The following DNAI2 variants were observed in gnomAD, a reference collection of about 807,000 sequenced individuals.
DNAI2 encodes dynein, axonemal, intermediate polypeptide 2.
A neutral mutation model predicts 74.7 loss-of-function variants in DNAI2; 63 were observed. The observed-to-expected ratio is 0.84, with a 90% CI of 0.69 to 1.04. The LOEUF (loss-of-function observed/expected upper bound fraction) is 1.04. Among genes scored for constraint, DNAI2 ranks in the 50% least tolerant of loss-of-function variants. DNAI2 has a pLI of 0.00. For synonymous variants in DNAI2, 289 were observed against 314.9 expected (o/e 0.92, Z 0.87); for missense variants, 688 against 803.2 (o/e 0.86, Z 1.73).
At chr17:74,305,865 T>C (rs946693819) in intron 9 of DNAI2, among the ~76,000 whole-genome samples, 1 of 152,004 alleles carries the variant, frequency 6.6e-6, no homozygotes, top group Non-Finnish European at 1.5e-5. Context: ...AGAGATGGGA[T>C]TTTGCCACGT....
Position 74,291,122 on chromosome 17 carries a change from A to T in DNAI2, c.713A>T (p.Asn238Ile), listed in dbSNP as rs753728960. The T allele has an allele frequency of 6.2e-7, 1 of 1,612,264 alleles. No homozygotes were observed. Among genetic ancestry groups the T allele is most frequent in the Non-Finnish European group, 8.5e-7 (1 of 1,178,356 alleles). The change falls in exon 6 of 14, where the codon AAT (asparagine) becomes ATT (isoleucine). Residue 238 changes from asparagine to isoleucine, a missense_variant. By Grantham distance (149) the Asn-to-Ile change is moderately radical. Transcript: ENST00000311014. Reference protein sequence around the residue: ...DSHVLLGGCYNGQIACWDTRK... With the variant: ...DSHVLLGGCYIGQIACWDTRK... ...CACGTACTCCTGGGTGGCTGCTACAATGGACAGATAGGTAAGGAGGGACCT... is the reference window on the plus strand; with the variant it reads ...CACGTACTCCTGGGTGGCTGCTACATTGGACAGATAGGTAAGGAGGGACCT...
intron 3 of DNAI2, 25 bp downstream of exon 3, chr17:74,285,226 G>A (rs769157248): frequency 6.2e-7 from 1 of 1,611,994 alleles, no homozygotes; most frequent in South Asian, 1.1e-5. Flanking sequence ...TGCCCCAGCT[G>A]CAAGAGCCCC....
chr17:74,309,196 A>G, intron 9 of DNAI2, 57 bp from the exon 10 acceptor site: 1 of 1,607,174 alleles, frequency 6.2e-7, no homozygotes, highest in Non-Finnish European at 8.5e-7. Context: ...CAAGTGAGCC[A>G]AGCTGTGGCT....
chr17:74,291,633 C>G (rs949416344), intron 6 of DNAI2, among the ~76,000 whole-genome samples: 9 of 152,194 alleles, frequency 5.9e-5, no homozygotes, highest in African/African-American at 2.2e-4. Context: ...TCTCCTGTTA[C>G]TACTGTAAGT....
intron 11 of DNAI2, among the ~76,000 whole-genome samples, chr17:74,311,027 A>T (rs2053492064): frequency 6.6e-6 from 1 of 151,412 alleles, no homozygotes; most frequent in South Asian, 2.1e-4. Context: ...GGCATGCACC[A>T]CCATGCCTGG....
intron 1 of DNAI2, among the ~76,000 whole-genome samples, chr17:74,278,010 G>A (rs1188634122): frequency 6.6e-6 from 1 of 152,250 alleles, no homozygotes; most frequent in Non-Finnish European, 1.5e-5. Flanking sequence ...ACAAAGCCCT[G>A]CAGGTGTTTC....
intron 1 of DNAI2, among the ~76,000 whole-genome samples, chr17:74,276,176 A>G (rs2051065271): frequency 6.6e-6 from 1 of 152,090 alleles, no homozygotes; most frequent in Non-Finnish European, 1.5e-5. Flanking sequence ...TCTCTCCAGG[A>G]ATTACTTTGC....
At chr17:74,284,928 G>T in intron 2 of DNAI2, 112 bp from the exon 3 acceptor site, 1 of 1,390,576 alleles carries the variant, frequency 7.2e-7, no homozygotes, top group Non-Finnish European at 1.0e-6. Flanking sequence ...CTCCGGCCAG[G>T]GCGCCTCAGC....
chr17:74,311,631 A>G (rs963830042), intron 11 of DNAI2, among the ~76,000 whole-genome samples: 8 of 151,832 alleles, frequency 5.3e-5, no homozygotes, highest in South Asian at 2.1e-4. Flanking sequence ...AAACAAAACA[A>G]AAAAGGAAAA....
At chr17:74,304,401 T>C (rs2053062847) in intron 8 of DNAI2, among the ~76,000 whole-genome samples, 2 of 152,016 alleles carry the variant, frequency 1.3e-5, no homozygotes, top group South Asian at 4.2e-4. Context: ...GTTCTTTCCA[T>C]TTGGAATGCT....
intron 5 of DNAI2, among the ~76,000 whole-genome samples, 163 bp downstream of exon 5, chr17:74,289,899 C>T (rs1567850991): frequency 1.3e-5 from 2 of 152,152 alleles, no homozygotes. Flanking sequence ...TCCTTCCTCT[C>T]TTGTCTGGTT....
At chr17:74,276,192 C>T (rs2051066950) in intron 1 of DNAI2, among the ~76,000 whole-genome samples, 2 of 152,204 alleles carry the variant, frequency 1.3e-5, no homozygotes, top group African/African-American at 4.8e-5. Flanking sequence ...TTTGCTCATT[C>T]TCACTGCACA....
intron 6 of DNAI2, among the ~76,000 whole-genome samples, chr17:74,295,654 T>G (rs1004758605): frequency 6.6e-6 from 1 of 152,200 alleles, no homozygotes; most frequent in African/African-American, 2.4e-5. Flanking sequence ...TAATTTTTTT[T>G]TTATTAAAAA....
chr17:74,277,673 G>A (rs1250577323), intron 1 of DNAI2, among the ~76,000 whole-genome samples: 2 of 152,224 alleles, frequency 1.3e-5, no homozygotes, highest in Non-Finnish European at 2.9e-5. Flanking sequence ...CTGGTGCCTT[G>A]TAGCCCTGGA....
intron 12 of DNAI2, among the ~76,000 whole-genome samples, chr17:74,312,769 C>G (rs1291427065): frequency 6.6e-6 from 1 of 152,214 alleles, no homozygotes; most frequent in Non-Finnish European, 1.5e-5. Context: ...TGGCTTCCTT[C>G]ATTTCCATCT....
At chr17:74,309,620 G>C (rs1455355527) in intron 10 of DNAI2, 3 of 706,672 alleles carry the variant, frequency 4.2e-6, no homozygotes, top group Non-Finnish European at 7.6e-6. Context: ...AGAACCACCT[G>C]GGGGAAATTT....
chr17:74,279,924 C>A (rs370430068), intron 1 of DNAI2, among the ~76,000 whole-genome samples: 1 of 152,228 alleles, frequency 6.6e-6, no homozygotes, highest in East Asian at 1.9e-4. Context: ...GCCACTCATC[C>A]ACATCTTTTG....
At chr17:74,277,245 C>T (rs1300788819) in intron 1 of DNAI2, among the ~76,000 whole-genome samples, 4 of 151,802 alleles carry the variant, frequency 2.6e-5, no homozygotes, top group African/African-American at 2.4e-5. Flanking sequence ...AAATTAGCCG[C>T]GAATGGTGGC....
intron 11 of DNAI2, among the ~76,000 whole-genome samples, chr17:74,310,870 T>A (rs1038670744): frequency 6.6e-6 from 1 of 150,856 alleles, no homozygotes; most frequent in Non-Finnish European, 1.5e-5. Context: ...ATTTTATCAG[T>A]TTATTTTATT....
Sources: gnomAD v4.1 joint callset for allele counts (sites outside exome capture counted in the v4.1 genomes callset) on GRCh38, gnomAD v4.1.1 for gene constraint, MANE v1.5 for transcripts, NCBI Gene and HGNC (gene_info 2026-07-23, HGNC 2026-07-21) for gene names.